The following MARCHF11 variants were observed in gnomAD, a reference collection of about 807,000 sequenced individuals.
MARCHF11 encodes the protein membrane associated ring-CH-type finger 11.
In MARCHF11, 29 loss-of-function variants were observed where a neutral mutation model predicts 37.3. The ratio of observed to expected loss-of-function variants is 0.78; its 90% CI spans 0.58 to 1.06. The LOEUF (loss-of-function observed/expected upper bound fraction) is 1.06. Ranked by LOEUF, MARCHF11 falls within the 50% of genes least tolerant of loss-of-function variation. The pLI is 0.00. For missense variants in MARCHF11, 482 were observed against 533.4 expected (o/e 0.90, Z 0.95); for synonymous variants, 233 against 228.0 (o/e 1.02, Z -0.20).
Position 16,179,151 on chromosome 5 carries a change from C to G in MARCHF11, c.425G>C (p.Arg142Pro). 1 of 1,470,026 alleles carries G rather than the reference C, an allele frequency of 6.8e-7. No homozygotes were observed. Among genetic ancestry groups the G allele is most frequent in the Non-Finnish European group, 8.9e-7 (1 of 1,117,568 alleles). 91.1% of individuals were successfully genotyped at this position (1,470,026 alleles called of 1,614,324 possible). The change falls in exon 1 of 4, where the codon CGC (arginine) becomes CCC (proline). Residue 142 changes from arginine to proline, a missense_variant. Physicochemically the swap from Arg to Pro is moderately radical, Grantham distance 103 (BLOSUM62 -2). Transcript: ENST00000332432. ...GCTGCTGCGGCTGCTGCACACCGAG[C>G]GCGTCTCGGGCTGGTCTCCGGCGCC... ...RRGAGDQPET[R>P]SVCSSRSSSS...
intron 2 of MARCHF11, among the ~76,000 whole-genome samples, chr5:16,139,521 G>T (rs759253694): frequency 1.3e-5 from 2 of 152,034 alleles, no homozygotes; most frequent in Non-Finnish European, 2.9e-5. Context: ...ATGTGACTCA[G>T]AAAAGTTGAA....
intron 3 of MARCHF11, among the ~76,000 whole-genome samples, chr5:16,083,058 G>T (rs1003200374): frequency 5.3e-5 from 8 of 152,182 alleles, no homozygotes; most frequent in Non-Finnish European, 1.0e-4. Context: ...CAAATGGTTG[G>T]ATTTGGGCTC....
intron 2 of MARCHF11, among the ~76,000 whole-genome samples, chr5:16,146,947 G>A (rs77591825): frequency 1.3e-5 from 2 of 152,142 alleles, no homozygotes; most frequent in African/African-American, 4.8e-5. Context: ...AAATCTTAAA[G>A]AGACTGAGAT....
chr5:16,088,171 G>A (rs994986578), intron 3 of MARCHF11, among the ~76,000 whole-genome samples: 2 of 151,984 alleles, frequency 1.3e-5, no homozygotes, highest in African/African-American at 2.4e-5. Context: ...CCATGAAATC[G>A]GCCTGAAACC....
chr5:16,165,938 G>A (rs924402464), intron 2 of MARCHF11, among the ~76,000 whole-genome samples: 3 of 152,018 alleles, frequency 2.0e-5, no homozygotes, highest in South Asian at 2.1e-4. Flanking sequence ...TTTGGGAGGC[G>A]AGAATTCTAC....
chr5:16,178,049 C>T (rs984514303), intron 1 of MARCHF11, among the ~76,000 whole-genome samples, 168 bp from the exon 2 acceptor site: 7 of 152,198 alleles, frequency 4.6e-5, no homozygotes, highest in Non-Finnish European at 1.0e-4. Flanking sequence ...GAAACTAAGT[C>T]TTAAAACTAT....
At chr5:16,147,402 G>C (rs543266275) in intron 2 of MARCHF11, among the ~76,000 whole-genome samples, 1 of 152,086 alleles carries the variant, frequency 6.6e-6, no homozygotes, top group African/African-American at 2.4e-5. Flanking sequence ...AAAAAAACTG[G>C]GACACTGAGA....
intron 2 of MARCHF11, among the ~76,000 whole-genome samples, chr5:16,117,991 T>C (rs1737248415): frequency 6.6e-6 from 1 of 152,206 alleles, no homozygotes; most frequent in Non-Finnish European, 1.5e-5. Flanking sequence ...ACAGAGGAAC[T>C]ATGTTTGGGA....
intron 2 of MARCHF11, among the ~76,000 whole-genome samples, chr5:16,120,597 C>A (rs191239019): frequency 6.6e-6 from 1 of 152,366 alleles, no homozygotes; most frequent in African/African-American, 2.4e-5. Flanking sequence ...CCACCACTCT[C>A]TGACTTCATA....
At chr5:16,076,843 G>C (rs759435392) in intron 3 of MARCHF11, among the ~76,000 whole-genome samples, 2 of 152,116 alleles carry the variant, frequency 1.3e-5, no homozygotes, top group East Asian at 3.9e-4. Context: ...AGCCATCCTC[G>C]GCCAAAGCCA....
At chr5:16,076,401 T>C (rs1404785002) in intron 3 of MARCHF11, among the ~76,000 whole-genome samples, 1 of 152,228 alleles carries the variant, frequency 6.6e-6, no homozygotes, top group Non-Finnish European at 1.5e-5. Context: ...ATATGTTTTT[T>C]CAATAAAAGA....
chr5:16,072,177 G>A (rs1387624949), intron 3 of MARCHF11, among the ~76,000 whole-genome samples: 1 of 152,156 alleles, frequency 6.6e-6, no homozygotes, highest in Admixed American at 6.5e-5. Flanking sequence ...CCAACATCAT[G>A]AAGACAGAAG....
intron 2 of MARCHF11, among the ~76,000 whole-genome samples, chr5:16,103,198 G>C (rs1179368126): frequency 6.6e-6 from 1 of 152,038 alleles, no homozygotes; most frequent in Non-Finnish European, 1.5e-5. Context: ...TATGGTGCTT[G>C]ACGAATGGAG....
At chr5:16,100,779 A>T (rs1163891084) in intron 2 of MARCHF11, among the ~76,000 whole-genome samples, 2 of 152,220 alleles carry the variant, frequency 1.3e-5, no homozygotes, top group Non-Finnish European at 2.9e-5. Flanking sequence ...AAGTTTTCTT[A>T]GAAGGAATAA....
intron 2 of MARCHF11, among the ~76,000 whole-genome samples, chr5:16,106,734 C>T (rs1167851807): frequency 1.3e-5 from 2 of 152,072 alleles, no homozygotes; most frequent in African/African-American, 2.4e-5. Flanking sequence ...TGACATCTAG[C>T]GGGTAGAGGC....
At chr5:16,109,470 CTGCCCGGAGGATGG>C (rs1321065778) in intron 2 of MARCHF11, among the ~76,000 whole-genome samples, 1 of 152,224 alleles carries the variant, frequency 6.6e-6, no homozygotes, top group African/African-American at 2.4e-5. Flanking sequence ...ACGCATGGAG[CTGCCCGGAGGATGG>C]TGCCCGGAGA....
intron 3 of MARCHF11, among the ~76,000 whole-genome samples, chr5:16,085,888 C>T (rs1223847234): frequency 1.6e-5 from 2 of 123,470 alleles, no homozygotes; most frequent in Admixed American, 1.1e-4. Context: ...TGCAGTGAGC[C>T]GAGATCGTGC....
chr5:16,091,230 T>C, intron 2 of MARCHF11, 149 bp from the exon 3 acceptor site: 1 of 572,274 alleles, frequency 1.7e-6, no homozygotes, highest in South Asian at 3.0e-5. Context: ...TCATCCAGGC[T>C]ATAAAAAATA....
At chr5:16,111,339 T>C (rs1737134166) in intron 2 of MARCHF11, among the ~76,000 whole-genome samples, 1 of 152,160 alleles carries the variant, frequency 6.6e-6, no homozygotes, top group African/African-American at 2.4e-5. Context: ...AACAATGATA[T>C]AGACAATGAA....
Sources: gnomAD v4.1 joint callset for allele counts (sites outside exome capture counted in the v4.1 genomes callset) on GRCh38, gnomAD v4.1.1 for gene constraint, MANE v1.5 for transcripts, NCBI Gene and HGNC (gene_info 2026-07-23, HGNC 2026-07-21) for gene names.